DRC3: variants seen among roughly 807,000 people sequenced by gnomAD.
DRC3 encodes leucine rich repeat containing 48.
A neutral mutation model predicts 57.6 loss-of-function variants in DRC3; 45 were observed. That is an observed-to-expected ratio of 0.78 (90% CI 0.62 to 1.00). The LOEUF is 1.00. Ranked by LOEUF, DRC3 falls within the 50% of genes least tolerant of loss-of-function variation. The pLI is 0.00. For missense variants in DRC3, 655 were observed against 675.2 expected, an observed-to-expected ratio of 0.97 and a Z score of 0.33; for synonymous variants, 257 against 272.3, an observed-to-expected ratio of 0.94 and a Z score of 0.55.
intron 4 of DRC3, among the ~76,000 whole-genome samples, chr17:17,985,433 G>T (rs2042914021): frequency 6.6e-6 from 1 of 152,166 alleles, no homozygotes; most frequent in Non-Finnish European, 1.5e-5. Flanking sequence ...GCTGGTCTTT[G>T]TCCAGCCATG....
rs1447916347 is a variant in DRC3, at chr17:18,016,018, G to A, written c.1327-46G>A. ...TCTGTTCAGCTCCCTTTGTGTTCAC[G>A]GTATAATGACACACACTTTCTCATT... is the stretch of plus-strand genomic sequence containing the variant. On this transcript the variant is annotated intron_variant, in intron 12 of 13. Transcript: ENST00000399187. 11 of 1,602,548 alleles carry A rather than the reference G, an allele frequency of 6.9e-6. No homozygotes were observed. In the African/African-American group the frequency reaches 1.1e-4, roughly 16 times the overall value.
At chr17:17,997,733 C>CAGGGG in intron 9 of DRC3, 99 bp downstream of exon 9, 1 of 1,123,498 alleles carries the variant, frequency 8.9e-7, no homozygotes, top group African/African-American at 1.6e-5. Flanking sequence ...CCTGTACCCT[C>CAGGGG]TGATGACCCC....
intron 12 of DRC3, among the ~76,000 whole-genome samples, chr17:18,013,024 C>T (rs1377933446): frequency 2.0e-5 from 3 of 152,060 alleles, no homozygotes; most frequent in Non-Finnish European, 4.4e-5. Flanking sequence ...AGAAGACATA[C>T]AAATGGCCAA....
chr17:17,972,898 G>A lies in DRC3; in HGVS notation c.-205G>A, dbSNP rs2042190869. The stretch of plus-strand genomic sequence containing the variant: ...CTTCTGACTTCCCCTTAGCAACCAA[G>A]TCGCGGCGCTTGGTTCCCCAGCAAC... On this transcript the variant is annotated 5_prime_UTR_variant, in exon 1 of 14. Coordinates refer to ENST00000399187, the MANE Select transcript of DRC3 (RefSeq NM_031294.4). 6.5e-6 allele frequency: 1 copy of A among 152,816 alleles called. No individual in the cohort carries two copies. Among genetic ancestry groups the A allele is most frequent in the African/African-American group, 2.4e-5 (1 of 41,448 alleles). The allele number at this position is 152,816 out of a possible 1,614,324, so 9.5% of individuals were successfully genotyped here.
intron 5 of DRC3, among the ~76,000 whole-genome samples, chr17:17,990,998 A>G (rs931706334): frequency 6.6e-6 from 1 of 152,000 alleles, no homozygotes; most frequent in Non-Finnish European, 1.5e-5. Flanking sequence ...TCTAAAAAAA[A>G]TAATAATAAA....
At chr17:17,998,000 C>T (rs1235703648) in intron 9 of DRC3, among the ~76,000 whole-genome samples, 7 of 152,206 alleles carry the variant, frequency 4.6e-5, no homozygotes. Flanking sequence ...TCCTTTTATT[C>T]ATTCATTCAT....
At chr17:18,015,931 A>C in intron 12 of DRC3, 133 bp from the exon 13 acceptor site, 1 of 886,890 alleles carries the variant, frequency 1.1e-6, no homozygotes, top group East Asian at 2.5e-5. Flanking sequence ...GTGCGCTGAT[A>C]CAAAGGTGGG....
chr17:17,985,782 A>T (rs2063383151), intron 4 of DRC3, among the ~76,000 whole-genome samples: 1 of 152,224 alleles, frequency 6.6e-6, no homozygotes, highest in Non-Finnish European at 1.5e-5. Flanking sequence ...GGGTAGGCTA[A>T]GCCTCCCAAG....
At chr17:17,981,351 G>C (rs915195743) in intron 3 of DRC3, 1 of 214,220 alleles carries the variant, frequency 4.7e-6, no homozygotes, top group Non-Finnish European at 1.1e-5. Flanking sequence ...TGATGGCGAT[G>C]GCATTGGCAG....
chr17:17,974,153 G>C (rs1177429508), intron 2 of DRC3, among the ~76,000 whole-genome samples, 191 bp downstream of exon 2: 2 of 152,260 alleles, frequency 1.3e-5, no homozygotes, highest in East Asian at 3.8e-4. Context: ...CTAAGTGTAT[G>C]AAGTTGGGCA....
chr17:17,990,946 G>T lies in DRC3; in HGVS notation c.445-1819G>T, dbSNP rs534958848. Among the ~76,000 whole-genome samples, 7 of 152,220 alleles carry T rather than the reference G, an allele frequency of 4.6e-5. No individual in the cohort carries two copies. The East Asian group carries it at 1.4e-3, about 29-fold the overall frequency. On this transcript the variant is annotated intron_variant, in intron 5 of 13. Coordinates refer to ENST00000399187, the MANE Select transcript of DRC3 (RefSeq NM_031294.4). ...GTGGAGGTTGCAGTGAGCCGAGATC[G>T]CGCCACTGCACTTCAGCCTGGGTGA...
intron 12 of DRC3, chr17:18,007,468 T>C (rs756521431): frequency 1.9e-6 from 3 of 1,551,110 alleles, no homozygotes; most frequent in South Asian, 1.2e-5. Context: ...CAGGTAGAGG[T>C]TGAAGTCTGA....
intron 3 of DRC3, among the ~76,000 whole-genome samples, chr17:17,980,338 G>C (rs1032125408): frequency 7.9e-5 from 12 of 151,192 alleles, no homozygotes; most frequent in African/African-American, 2.9e-4. Flanking sequence ...CCAGGCTGGA[G>C]TGCTAGAGTG....
At chr17:18,012,445 T>TGA (rs2044201996) in intron 12 of DRC3, among the ~76,000 whole-genome samples, 1 of 152,202 alleles carries the variant, frequency 6.6e-6, no homozygotes, top group Non-Finnish European at 1.5e-5. Flanking sequence ...TTTGGGAGCC[T>TGA]GAGACAGACA....
intron 10 of DRC3, chr17:18,005,938 G>A: frequency 2.0e-6 from 1 of 504,980 alleles, no homozygotes; most frequent in Admixed American, 3.2e-5. Context: ...AAGTGTTCCT[G>A]GCAAAGTTCC....
chr17:18,007,608 C>G, intron 12 of DRC3: 2 of 1,434,500 alleles, frequency 1.4e-6, no homozygotes, highest in Non-Finnish European at 1.8e-6. Context: ...TGAATGGTCA[C>G]AAAATCAGCA....
At chr17:17,976,116 G>A (rs1480476352) in intron 2 of DRC3, among the ~76,000 whole-genome samples, 1 of 152,214 alleles carries the variant, frequency 6.6e-6, no homozygotes, top group Admixed American at 6.5e-5. Context: ...CAGCAGGGCA[G>A]AAGGACAGGA....
chr17:17,990,921 G>A (rs1445499051), intron 5 of DRC3, among the ~76,000 whole-genome samples: 2 of 152,168 alleles, frequency 1.3e-5, no homozygotes, highest in African/African-American at 4.8e-5. Context: ...AACCTGGGAG[G>A]TGGAGGTTGC....
Position 18,007,716 on chromosome 17 carries a change from C to T in DRC3, c.1326+569C>T, listed in dbSNP as rs551253110. 20 of 1,248,362 alleles carry T rather than the reference C, an allele frequency of 1.6e-5. No individual in the cohort carries two copies. The African/African-American group carries it at 2.9e-4, about 18-fold the overall frequency. 77.3% of individuals were successfully genotyped at this position (1,248,362 alleles called of 1,614,324 possible). A position where few individuals can be genotyped will look rare whatever the true frequency, so the allele number is the denominator to read the frequency against. On this transcript the variant is annotated intron_variant, in intron 12 of 13. Coordinates refer to ENST00000399187, the MANE Select transcript of DRC3 (RefSeq NM_031294.4). ...GGGTCCCGCGGCAGCATGTCTATGT[C>T]TCTGGAAGGAGTGTGGGCATCAAGG... is the stretch of plus-strand genomic sequence containing the variant.
Sources: gnomAD v4.1 joint callset for allele counts (sites outside exome capture counted in the v4.1 genomes callset) on GRCh38, gnomAD v4.1.1 for gene constraint, MANE v1.5 for transcripts, NCBI Gene and HGNC (gene_info 2026-07-23, HGNC 2026-07-21) for gene names.